The following ZNF90 variants were observed in gnomAD, a reference collection of about 807,000 sequenced individuals.
The protein encoded by ZNF90 is zinc finger protein HTF9.
A neutral mutation model predicts 12.0 loss-of-function variants in ZNF90; 11 were observed. That is an observed-to-expected ratio of 0.92 (90% CI 0.58 to 1.52). ZNF90 has a LOEUF of 1.52. Ranked by LOEUF, ZNF90 falls within the 40% of genes most tolerant of loss-of-function variation. The pLI, the probability that ZNF90 is intolerant of heterozygous loss-of-function variation, is 0.00. For missense variants in ZNF90, 765 were observed against 711.5 expected (o/e 1.08, Z -0.86); for synonymous variants, 232 against 240.1 (o/e 0.97, Z 0.31).
Position 20,119,420 on chromosome 19 carries a change from T to A in ZNF90, c.*60T>A. The A allele has an allele frequency of 6.9e-7, 1 of 1,446,594 alleles. No homozygotes were observed. Among genetic ancestry groups the A allele is most frequent in the Non-Finnish European group, 9.3e-7 (1 of 1,076,896 alleles). 89.6% of individuals were successfully genotyped at this position (1,446,594 alleles called of 1,614,324 possible). A position where few individuals can be genotyped will look rare whatever the true frequency, so the allele number is the denominator to read the frequency against. The stretch of plus-strand genomic sequence containing the variant: ...TCATACTGGAGAGAAACCGTATAAA[T>A]GTGATGACTGTTGGAAAGCCTTTGA... On this transcript the variant is annotated 3_prime_UTR_variant, in exon 4 of 4. Transcript: ENST00000418063.
chr19:20,096,622 G>A (rs1555703319), intron 1 of ZNF90, among the ~76,000 whole-genome samples: 6 of 152,194 alleles, frequency 3.9e-5, no homozygotes, highest in Non-Finnish European at 8.8e-5. Flanking sequence ...GTTAAGGCAA[G>A]GACTGGCCAT....
Position 20,119,428 on chromosome 19 carries a change from C to G in ZNF90, c.*68C>G. On this transcript the variant is annotated 3_prime_UTR_variant, in exon 4 of 4. Coordinates refer to ENST00000418063, the MANE Select transcript of ZNF90 (RefSeq NM_007138.2). ...GAGAGAAACCGTATAAATGTGATGA[C>G]TGTTGGAAAGCCTTTGACCACCCCT... 7.1e-7 allele frequency: 1 copy of G among 1,408,804 alleles called. No individual in the cohort carries two copies. Among genetic ancestry groups the G allele is most frequent in the Non-Finnish European group, 9.5e-7 (1 of 1,047,298 alleles). 87.3% of individuals were successfully genotyped at this position (1,408,804 alleles called of 1,614,324 possible). A position where few individuals can be genotyped will look rare whatever the true frequency, so the allele number is the denominator to read the frequency against.
At chr19:20,086,493 C>T (rs1164210689) in intron 1 of ZNF90, among the ~76,000 whole-genome samples, 1 of 151,920 alleles carries the variant, frequency 6.6e-6, no homozygotes, top group African/African-American at 2.4e-5. Context: ...GCCTCAGCCT[C>T]CTAAAGTGCT....
intron 3 of ZNF90, among the ~76,000 whole-genome samples, chr19:20,110,540 C>G (rs921837677): frequency 2.2e-4 from 34 of 152,128 alleles, no homozygotes; most frequent in African/African-American, 7.7e-4. Context: ...GCTAGATTTA[C>G]AGGCTTGAAC....
intron 1 of ZNF90, among the ~76,000 whole-genome samples, chr19:20,101,431 C>A (rs1386992697): frequency 1.3e-5 from 2 of 152,194 alleles, no homozygotes; most frequent in Non-Finnish European, 2.9e-5. Flanking sequence ...GGCCTGCCAC[C>A]ATCTTGGGAG....
At position 20,119,171 on chromosome 19, in the gene ZNF90, T is replaced by G; in HGVS notation, c.1617T>G (p.Cys539Trp). 1 of 1,612,938 alleles carries G rather than the reference T, an allele frequency of 6.2e-7. No individual in the cohort carries two copies. Among genetic ancestry groups the G allele is most frequent in the Non-Finnish European group, 8.5e-7 (1 of 1,179,366 alleles). The change falls in exon 4 of 4, where the codon TGT (cysteine) becomes TGG (tryptophan). Residue 539 changes from cysteine to tryptophan, a missense_variant. By Grantham distance (215) the Cys-to-Trp change is radical. Coordinates refer to ENST00000418063, the MANE Select transcript of ZNF90 (RefSeq NM_007138.2). ...ATACTGGAGCGAAACCCTACAAATG[T>G]GAAGAATGTGGCAAAGCCTTTAAGC... ...IIHTGAKPYKCEECGKAFKRS... is the reference protein window; with the variant it reads ...IIHTGAKPYKWEECGKAFKRS...
chr19:20,110,984 G>A (rs2089084004), intron 3 of ZNF90, among the ~76,000 whole-genome samples: 2 of 152,062 alleles, frequency 1.3e-5, no homozygotes, highest in Admixed American at 1.3e-4. Flanking sequence ...TGTTACTCTT[G>A]AATTGTTTTT....
chr19:20,081,026 A>G (rs2088816274), intron 1 of ZNF90, among the ~76,000 whole-genome samples: 1 of 152,140 alleles, frequency 6.6e-6, no homozygotes, highest in Non-Finnish European at 1.5e-5. Flanking sequence ...AGGGTGACAG[A>G]GGACTGAAAA....
At chr19:20,113,782 C>T (rs1365161108) in intron 3 of ZNF90, among the ~76,000 whole-genome samples, 4 of 151,782 alleles carry the variant, frequency 2.6e-5, no homozygotes, top group Admixed American at 2.0e-4. Context: ...GAGCGGAGAT[C>T]GCGCCACTGC....
chr19:20,107,624 A>G (rs1046083374), intron 3 of ZNF90, among the ~76,000 whole-genome samples: 6 of 152,104 alleles, frequency 3.9e-5, no homozygotes, highest in Non-Finnish European at 2.9e-5. Context: ...TCATAAAGGC[A>G]TTTTTGTCAG....
chr19:20,093,793 G>A (rs1248700319), intron 1 of ZNF90, among the ~76,000 whole-genome samples: 2 of 152,138 alleles, frequency 1.3e-5, no homozygotes, highest in Non-Finnish European at 2.9e-5. Flanking sequence ...TTAAACAGGG[G>A]ATGGACTTAC....
At chr19:20,102,474 G>A (rs897008531) in intron 1 of ZNF90, among the ~76,000 whole-genome samples, 4 of 152,192 alleles carry the variant, frequency 2.6e-5, no homozygotes, top group Non-Finnish European at 5.9e-5. Flanking sequence ...GGGACTAGTG[G>A]TGTTAGCGAT....
intron 1 of ZNF90, among the ~76,000 whole-genome samples, chr19:20,099,410 C>T (rs1356676034): frequency 6.6e-6 from 1 of 152,164 alleles, no homozygotes; most frequent in Non-Finnish European, 1.5e-5. Flanking sequence ...TACTGAATAC[C>T]CATTGTGGTT....
chr19:20,118,693 CA>C lies in ZNF90; in HGVS notation c.1140del (p.Ser381ProfsTer9). 1 of 1,565,044 alleles carries C rather than the reference CA, an allele frequency of 6.4e-7. No homozygotes were observed. The highest frequency in any genetic ancestry group is 8.7e-7 in the Non-Finnish European group (1 of 1,155,964). Reference sequence around the variant, plus strand: ...GATAAATGTGGCAAAGCATTTATTTCATCCTCACTCCTTTATAAACATAAGA... The same window carrying C: ...GATAAATGTGGCAAAGCATTTATTTCTCCTCACTCCTTTATAAACATAAGA... ...KCDKCGKAFI[S>X]SSLLYKHKIS... is the part of the protein sequence containing the mutation. On this transcript the variant is annotated frameshift_variant, in exon 4 of 4. Coordinates refer to ENST00000418063, the MANE Select transcript of ZNF90 (RefSeq NM_007138.2). LOFTEE classifies it low-confidence loss of function (END_TRUNC).
chr19:20,110,606 T>C (rs1555704994), intron 3 of ZNF90, among the ~76,000 whole-genome samples: 1 of 152,178 alleles, frequency 6.6e-6, no homozygotes, highest in Admixed American at 6.5e-5. Context: ...ATGAGGAACA[T>C]TTATAACTTT....
At chr19:20,083,545 T>C (rs1361762185) in intron 1 of ZNF90, among the ~76,000 whole-genome samples, 1 of 152,096 alleles carries the variant, frequency 6.6e-6, no homozygotes, top group Non-Finnish European at 1.5e-5. Flanking sequence ...CAGGATGGTC[T>C]TAAGCTCCCG....
intron 1 of ZNF90, among the ~76,000 whole-genome samples, chr19:20,088,530 T>C (rs1555702359): frequency 6.6e-6 from 1 of 152,210 alleles, no homozygotes; most frequent in Non-Finnish European, 1.5e-5. Flanking sequence ...TCAGCGTAAT[T>C]ACTTGCTTGG....
At chr19:20,111,365 G>C (rs2089087293) in intron 3 of ZNF90, among the ~76,000 whole-genome samples, 1 of 152,126 alleles carries the variant, frequency 6.6e-6, no homozygotes, top group Non-Finnish European at 1.5e-5. Flanking sequence ...GTTACAAGTA[G>C]GTGCCATCAA....
chr19:20,116,460 C>A (rs782366113), intron 3 of ZNF90, among the ~76,000 whole-genome samples: 1 of 152,172 alleles, frequency 6.6e-6, no homozygotes, highest in African/African-American at 2.4e-5. Context: ...GACCACCAAC[C>A]CTGGCCTGTT....
Sources: gnomAD v4.1 joint callset for allele counts (sites outside exome capture counted in the v4.1 genomes callset) on GRCh38, gnomAD v4.1.1 for gene constraint, MANE v1.5 for transcripts, NCBI Gene and HGNC (gene_info 2026-07-23, HGNC 2026-07-21) for gene names.